Variants in TBC1D32 observed in about 807,000 individuals in gnomAD.
TBC1D32 encodes protein broad-minded.
A neutral mutation model predicts 170.3 loss-of-function variants in TBC1D32; 151 were observed. The ratio of observed to expected loss-of-function variants is 0.89; its 90% CI spans 0.78 to 1.01. TBC1D32 has a LOEUF of 1.01. TBC1D32 is among the 50% of genes least tolerant of loss of function. TBC1D32 has a pLI of 0.00. For missense variants in TBC1D32, 1,464 were observed against 1,457.1 expected, an observed-to-expected ratio of 1.00 and a Z score of -0.08; for synonymous variants, 498 against 488.0, an observed-to-expected ratio of 1.02 and a Z score of -0.27.
intron 22 of TBC1D32, among the ~76,000 whole-genome samples, chr6:121,180,332 T>C (rs892022157): frequency 2.1e-4 from 32 of 152,128 alleles, no homozygotes; most frequent in African/African-American, 7.5e-4. Context: ...TTTTAACTTA[T>C]TACAAAGCTA....
Position 121,147,918 on chromosome 6 carries a change from CT to C in TBC1D32, c.2773+12091del, listed in dbSNP as rs35019014. On this transcript the variant is annotated intron_variant, in intron 24 of 31. Transcript: ENST00000398212. ...CATATTATTTTTGTAACTTGTATGT[CT>C]TTTTTTTTTTTTTTGAGAAGTATCA... 1.7e-3 allele frequency among the ~76,000 whole-genome samples: 236 copies of C among 136,752 alleles called. 1 individual carries two copies. Among genetic ancestry groups the C allele is most frequent in the African/African-American group, 5.6e-3 (209 of 37,336 alleles). 89.7% of individuals were successfully genotyped at this position (136,752 alleles called of 152,430 possible).
chr6:121,238,214 T>C (rs1385167627), intron 20 of TBC1D32, among the ~76,000 whole-genome samples: 3 of 152,136 alleles, frequency 2.0e-5, no homozygotes, highest in African/African-American at 7.2e-5. Context: ...TCAAGCATTT[T>C]AGATTTCTAT....
chr6:121,210,737 G>T (rs551949573), intron 21 of TBC1D32, among the ~76,000 whole-genome samples: 1 of 152,254 alleles, frequency 6.6e-6, no homozygotes, highest in African/African-American at 2.4e-5. Flanking sequence ...TGTCTAACTG[G>T]TCACAAAAGG....
chr6:121,289,748 A>G (rs150397740), intron 12 of TBC1D32, among the ~76,000 whole-genome samples: 7,727 of 152,220 alleles, frequency 0.051, 372 homozygotes, highest in African/African-American at 0.12. Flanking sequence ...ACTTCAAACT[A>G]TACTACAAGG....
chr6:121,294,210 T>C (rs1426422334), intron 11 of TBC1D32, among the ~76,000 whole-genome samples: 2 of 152,184 alleles, frequency 1.3e-5, no homozygotes, highest in East Asian at 3.9e-4. Context: ...TGGAAGTTTT[T>C]TTCCCATTAA....
At chr6:121,210,847 A>G (rs1246867946) in intron 21 of TBC1D32, among the ~76,000 whole-genome samples, 1 of 152,236 alleles carries the variant, frequency 6.6e-6, no homozygotes, top group Non-Finnish European at 1.5e-5. Flanking sequence ...AGTAGCCTCC[A>G]GAAACTACAA....
At chr6:121,110,886 A>C (rs1779136067) in intron 29 of TBC1D32, among the ~76,000 whole-genome samples, 1 of 152,206 alleles carries the variant, frequency 6.6e-6, no homozygotes, top group Non-Finnish European at 1.5e-5. Context: ...TCTGTTTTAC[A>C]AAGAAGCATC....
At chr6:121,128,198 C>T (rs1376519150) in intron 25 of TBC1D32, among the ~76,000 whole-genome samples, 1 of 152,164 alleles carries the variant, frequency 6.6e-6, no homozygotes, top group Non-Finnish European at 1.5e-5. Context: ...TAGATTTCTA[C>T]TGATGCCTAT....
At chr6:121,301,632 C>A (rs1015193637) in intron 9 of TBC1D32, among the ~76,000 whole-genome samples, 2 of 151,956 alleles carry the variant, frequency 1.3e-5, no homozygotes, top group African/African-American at 4.8e-5. Flanking sequence ...CACGTGTATA[C>A]CTATGCAACA....
chr6:121,329,329 C>CA (rs1310769756), intron 1 of TBC1D32, among the ~76,000 whole-genome samples: 4 of 151,998 alleles, frequency 2.6e-5, no homozygotes, highest in African/African-American at 9.7e-5. Context: ...AAGTTTGTTT[C>CA]AAAAAAGTCA....
Position 121,177,779 on chromosome 6 carries a change from C to T in TBC1D32, c.2571-16723G>A, listed in dbSNP as rs182384043. Among the ~76,000 whole-genome samples, 821 of 152,218 alleles carry T rather than the reference C, an allele frequency of 5.4e-3. 3 individuals carry two copies. The highest frequency in any genetic ancestry group is 6.4e-3 in the Non-Finnish European group (437 of 68,024). On this transcript the variant is annotated intron_variant, in intron 22 of 31. Coordinates refer to ENST00000398212, the MANE Select transcript of TBC1D32 (RefSeq NM_152730.6). The stretch of plus-strand genomic sequence containing the variant: ...ATTTCATGTTTAGAATTGGGCCCTA[C>T]CCCCAAGATATCAAACTATGGATAT...
intron 17 of TBC1D32, among the ~76,000 whole-genome samples, chr6:121,248,618 A>G (rs2128378829): frequency 6.6e-6 from 1 of 152,146 alleles, no homozygotes; most frequent in Admixed American, 6.6e-5. Flanking sequence ...ATAAAACTGG[A>G]GTTATTACAG....
chr6:121,205,016 A>C, intron 22 of TBC1D32, 59 bp downstream of exon 22: 1 of 1,021,042 alleles, frequency 9.8e-7, no homozygotes, highest in Non-Finnish European at 1.4e-6. Flanking sequence ...ATACAGGACA[A>C]ATGCTTATTT....
At position 121,321,770 on chromosome 6, in the gene TBC1D32, C is replaced by T. The variant is rs75082736; in HGVS notation, c.180G>A (p.Arg60=). The change falls in exon 2 of 32, where the codon AGG becomes AGA. Residue 60 remains arginine (R), a synonymous_variant. Transcript: ENST00000398212. ...FHNYEFVKYL[R]QHIGNTLGSM... is the part of the protein sequence containing the mutation. ...AACCCAAAGTGTTGCCTATATGCTG[C>T]CTGAGGTATTTCACAAATTCATAGC... The T allele has an allele frequency of 0.026, 41,748 of 1,610,994 alleles. 1,877 individuals are homozygous for T. The highest frequency in any genetic ancestry group is 0.15 in the Admixed American group (8,740 of 59,656).
rs917531806 is a variant in TBC1D32 at position 121,126,545 on chromosome 6, T to C, written c.2900-84A>G. ...ATCCTTAAATCACAGAACTAGTAGG[T>C]AAAAGTCATCTGAACTTCACAGATA... On this transcript the variant is annotated intron_variant, in intron 25 of 31. Coordinates refer to ENST00000398212, the MANE Select transcript of TBC1D32 (RefSeq NM_152730.6). The C allele has an allele frequency of 7.1e-6, 7 of 985,058 alleles. No homozygotes were observed. In the East Asian group the frequency reaches 1.4e-4, roughly 20 times the overall value. The allele number at this position is 985,058 out of a possible 1,614,324, so 61.0% of individuals were successfully genotyped here.
At chr6:121,279,983 G>A (rs1035493265) in intron 14 of TBC1D32, among the ~76,000 whole-genome samples, 27 of 151,790 alleles carry the variant, frequency 1.8e-4, no homozygotes, top group African/African-American at 6.0e-4. Flanking sequence ...ATTTGAAAAC[G>A]TAAATGTTGC....
chr6:121,293,116 A>AT (rs1487027069), intron 11 of TBC1D32, among the ~76,000 whole-genome samples: 1 of 151,254 alleles, frequency 6.6e-6, no homozygotes, highest in Non-Finnish European at 1.5e-5. Context: ...ATGAGCAAGA[A>AT]TTTTTTTAAA....
At chr6:121,311,127 A>T (rs1808130199) in intron 3 of TBC1D32, among the ~76,000 whole-genome samples, 1 of 152,230 alleles carries the variant, frequency 6.6e-6, no homozygotes, top group Admixed American at 6.5e-5. Flanking sequence ...ACACAAAGCC[A>T]AAATGCTGCA....
chr6:121,196,425 C>A, intron 22 of TBC1D32, among the ~76,000 whole-genome samples: 1 of 152,208 alleles, frequency 6.6e-6, no homozygotes, highest in East Asian at 1.9e-4. Context: ...AAGCTGCTTA[C>A]AATGGACCTC....
Sources: allele counts gnomAD v4.1 joint callset (sites outside exome capture counted in the v4.1 genomes callset), GRCh38; gene constraint gnomAD v4.1.1; transcripts MANE v1.5; gene names NCBI Gene and HGNC (gene_info 2026-07-23, HGNC 2026-07-21).